The following RPGRIP1 variants were observed in gnomAD, a reference collection of about 807,000 sequenced individuals.
RPGRIP1 encodes RPGR interacting protein 1.
RPGRIP1 carries 128 observed loss-of-function variants against 157.9 expected under a neutral mutation model. The ratio of observed to expected loss-of-function variants is 0.81; its 90% CI spans 0.70 to 0.94. The LOEUF is 0.94. Among genes scored for constraint, RPGRIP1 ranks in the 40% least tolerant of loss-of-function variants. RPGRIP1 has a pLI of 0.00. For missense variants in RPGRIP1, 1,486 were observed against 1,545.8 expected (o/e 0.96, Z 0.65); for synonymous variants, 554 against 571.6 (o/e 0.97, Z 0.44).
chr14:21,303,897 A>T (rs1428101192), intron 6 of RPGRIP1, among the ~76,000 whole-genome samples: 1 of 151,976 alleles, frequency 6.6e-6, no homozygotes, highest in African/African-American at 2.4e-5. Flanking sequence ...CTGAGGCAGG[A>T]GAATCACTTG....
At chr14:21,294,377 C>T (rs1489429839) in intron 2 of RPGRIP1, among the ~76,000 whole-genome samples, 1 of 151,686 alleles carries the variant, frequency 6.6e-6, no homozygotes, top group Admixed American at 6.6e-5. Flanking sequence ...ATTACAGGCA[C>T]GTGCCACCAC....
chr14:21,318,272 A>ATTTTTTTT (rs11311303), intron 11 of RPGRIP1: 2 of 323,692 alleles, frequency 6.2e-6, no homozygotes, highest in Non-Finnish European at 1.2e-5. Context: ...ACGCCTGGCT[A>ATTTTTTTT]TTTTTTTTTT....
In RPGRIP1 at chr14:21,317,496, T is replaced by C. The variant is rs532054454; in HGVS notation, c.1152-200T>C. ...CAGATATCTGAGACCTAAACAGAAATGGTACTGAGCAATAACTCAGTAGGA... is the reference window on the plus strand; with the variant it reads ...CAGATATCTGAGACCTAAACAGAAACGGTACTGAGCAATAACTCAGTAGGA... On this transcript the variant is annotated intron_variant, in intron 10 of 24. Transcript: ENST00000400017. 4.5e-6 allele frequency: 6 copies of C among 1,335,884 alleles called. No homozygotes were observed. The East Asian group carries it at 1.0e-4, about 23-fold the overall frequency. The allele number at this position is 1,335,884 out of a possible 1,614,324, so 82.8% of individuals were successfully genotyped here.
intron 20 of RPGRIP1, among the ~76,000 whole-genome samples, chr14:21,331,229 A>G (rs1304844894): frequency 1.3e-5 from 2 of 151,310 alleles, no homozygotes; most frequent in Non-Finnish European, 2.9e-5. Context: ...TTTCTCATTA[A>G]AACTGTTTGT....
Position 21,321,316 on chromosome 14 carries a change from CA to C in RPGRIP1, c.1527del (p.Val510TyrfsTer10). The stretch of plus-strand genomic sequence containing the variant: ...ACTGTCCCAGGTGCTAAATGAGTTG[CA>C]AGTATCACACGCAGAGACCACATTG... ...KKLSQVLNEL[Q>X]VSHAETTLEL... On this transcript the variant is annotated frameshift_variant, in exon 13 of 25. Coordinates refer to ENST00000400017, the MANE Select transcript of RPGRIP1 (RefSeq NM_020366.4). LOFTEE classifies it high-confidence loss of function. The C allele has an allele frequency of 6.2e-7, 1 of 1,613,922 alleles. No individual in the cohort carries two copies. The highest frequency in any genetic ancestry group is 8.5e-7 in the Non-Finnish European group (1 of 1,179,850).
intron 8 of RPGRIP1, 74 bp from the exon 9 acceptor site, chr14:21,311,750 G>T: frequency 8.3e-7 from 1 of 1,205,356 alleles, no homozygotes; most frequent in Non-Finnish European, 1.2e-6. Context: ...GAGAATGCTA[G>T]GGTTGCTGGT....
At chr14:21,309,584 G>A (rs1056392056) in intron 7 of RPGRIP1, among the ~76,000 whole-genome samples, 4 of 152,170 alleles carry the variant, frequency 2.6e-5, no homozygotes, top group African/African-American at 9.7e-5. Flanking sequence ...AGATTAGCTT[G>A]TGTTAATAAG....
chr14:21,327,701 T>TAC lies in RPGRIP1; in HGVS notation c.2790_2791dup (p.Pro931HisfsTer7). 1 of 1,613,866 alleles carries TAC rather than the reference T, an allele frequency of 6.2e-7. No homozygotes were observed. Among genetic ancestry groups the TAC allele is most frequent in the Non-Finnish European group, 8.5e-7 (1 of 1,179,812 alleles). On this transcript the variant is annotated frameshift_variant, in exon 18 of 25. Transcript: ENST00000400017. LOFTEE classifies it high-confidence loss of function. The stretch of plus-strand genomic sequence containing the variant: ...CAACTGGATTGGAAGTTTCCCTACA[T>TAC]ACCCCCTGAGAGCTTCCTGAAACCA...
intron 24 of RPGRIP1, among the ~76,000 whole-genome samples, chr14:21,348,561 A>AGTT (rs1463672720): frequency 1.3e-5 from 2 of 152,150 alleles, no homozygotes; most frequent in African/African-American, 4.8e-5. Flanking sequence ...TAAAAAGACA[A>AGTT]GTTATTTTCA....
chr14:21,337,339 C>T (rs1038144018), intron 21 of RPGRIP1, among the ~76,000 whole-genome samples: 2 of 151,856 alleles, frequency 1.3e-5, no homozygotes, highest in African/African-American at 4.8e-5. Flanking sequence ...GGGTTTAATA[C>T]AGTGCCCGAG....
chr14:21,325,465 A>ACAAACACT, intron 16 of RPGRIP1, 82 bp downstream of exon 16: 1 of 1,300,588 alleles, frequency 7.7e-7, no homozygotes, highest in Non-Finnish European at 1.1e-6. Flanking sequence ...TCCACTCTCA[A>ACAAACACT]TAAGTGTTTG....
At chr14:21,311,769 A>C in intron 8 of RPGRIP1, 55 bp from the exon 9 acceptor site, 1 of 1,484,330 alleles carries the variant, frequency 6.7e-7, no homozygotes. Flanking sequence ...GTGTCTGGAG[A>C]CCACTCGTGC....
chr14:21,288,178 CACT>C, intron 2 of RPGRIP1, 117 bp downstream of exon 2: 1 of 599,780 alleles, frequency 1.7e-6, no homozygotes, highest in Admixed American at 2.9e-5. Context: ...TCAGTCTTCT[CACT>C]TTTTTTTTTT....
At chr14:21,313,702 C>T (rs919160537) in intron 10 of RPGRIP1, among the ~76,000 whole-genome samples, 1 of 151,390 alleles carries the variant, frequency 6.6e-6, no homozygotes, top group African/African-American at 2.4e-5. Context: ...GCAGGAGAAT[C>T]GCTTGAACCC....
intron 8 of RPGRIP1, among the ~76,000 whole-genome samples, chr14:21,311,099 C>T (rs79963060): frequency 0.012 from 1,809 of 152,264 alleles, 16 homozygotes; most frequent in Middle Eastern, 0.041. Flanking sequence ...CAGAGGAGTC[C>T]GCCAGAAACA....
chr14:21,336,206 A>G (rs1037094508), intron 21 of RPGRIP1, among the ~76,000 whole-genome samples: 1 of 152,206 alleles, frequency 6.6e-6, no homozygotes, highest in Non-Finnish European at 1.5e-5. Context: ...GAAAAAACTC[A>G]AAGTCAGTAG....
At chr14:21,296,516 A>G (rs533848684) in intron 3 of RPGRIP1, among the ~76,000 whole-genome samples, 1 of 150,178 alleles carries the variant, frequency 6.7e-6, no homozygotes, top group South Asian at 2.1e-4. Context: ...GCCAGGCCTT[A>G]ATATTTGTAT....
chr14:21,303,502 GAGA>G lies in RPGRIP1; in HGVS notation c.762_764del (p.Arg254del). The stretch of plus-strand genomic sequence containing the variant: ...GGCCTAAAGATGAAAATTTTGAACA[GAGA>G]AGCTCATTGGAGTGTGCTCAGAAGG... On this transcript the variant is annotated inframe_deletion, in exon 6 of 25. Transcript: ENST00000400017. 6.2e-7 allele frequency: 1 copy of G among 1,613,928 alleles called. No homozygotes were observed.
chr14:21,337,059 GGT>G (rs1238672172), intron 21 of RPGRIP1, among the ~76,000 whole-genome samples: 1 of 152,144 alleles, frequency 6.6e-6, no homozygotes, highest in African/African-American at 2.4e-5. Context: ...AGGCATGAAA[GGT>G]AGAGGGGGTT....
Sources: gnomAD v4.1 joint callset for allele counts (sites outside exome capture counted in the v4.1 genomes callset) on GRCh38, gnomAD v4.1.1 for gene constraint, MANE v1.5 for transcripts, NCBI Gene and HGNC (gene_info 2026-07-23, HGNC 2026-07-21) for gene names.